Variants in GSG1L observed in about 807,000 individuals in gnomAD.
GSG1L encodes GSG1 like.
A neutral mutation model predicts 42.1 loss-of-function variants in GSG1L; 24 were observed. The ratio of observed to expected loss-of-function variants is 0.57; its 90% CI spans 0.41 to 0.80. The LOEUF (loss-of-function observed/expected upper bound fraction) is 0.80, where lower values mean the gene tolerates loss of function less well. GSG1L is among the 30% of genes least tolerant of loss of function. The probability of loss-of-function intolerance (pLI) is 0.00; values close to 1 mark genes in which losing one functional copy is unlikely to be tolerated. For synonymous variants in GSG1L, 215 were observed against 203.5 expected (o/e 1.06, Z -0.48); for missense variants, 445 against 472.2 (o/e 0.94, Z 0.53).
chr16:27,845,726 G>A (rs2083435728), intron 3 of GSG1L, among the ~76,000 whole-genome samples: 1 of 152,128 alleles, frequency 6.6e-6, no homozygotes, highest in Non-Finnish European at 1.5e-5. Context: ...TAGTGAGCTT[G>A]AGCATTTTTC....
intron 5 of GSG1L, among the ~76,000 whole-genome samples, chr16:27,812,815 G>T (rs999686158): frequency 6.6e-6 from 1 of 151,960 alleles, no homozygotes; most frequent in African/African-American, 2.4e-5. Flanking sequence ...TTGAGACAGA[G>T]TCTTACTCTC....
chr16:27,996,982 G>A (rs2085520611), intron 1 of GSG1L, among the ~76,000 whole-genome samples: 2 of 152,058 alleles, frequency 1.3e-5, no homozygotes, highest in Admixed American at 6.6e-5. Flanking sequence ...GGCTGGTCTC[G>A]AACTTCTGAC....
chr16:27,997,186 C>T (rs916083996), intron 1 of GSG1L, among the ~76,000 whole-genome samples: 1 of 152,098 alleles, frequency 6.6e-6, no homozygotes, highest in African/African-American at 2.4e-5. Flanking sequence ...GCCTCTTCTA[C>T]CTTCTCCTGG....
intron 6 of GSG1L, among the ~76,000 whole-genome samples, chr16:27,798,240 G>A (rs1245590476): frequency 6.6e-6 from 1 of 152,088 alleles, no homozygotes; most frequent in Non-Finnish European, 1.5e-5. Flanking sequence ...TTGGCTCACA[G>A]ACAAACACCA....
chr16:27,858,197 C>T lies in GSG1L; in HGVS notation c.551-13136G>A, dbSNP rs78498337. ...AGGACCTAAGAAAGCTGCCTGTGCA[C>T]TAAGAAAATGAGAGGATGAGCGGCC... On this transcript the variant is annotated intron_variant, in intron 3 of 6. Coordinates refer to ENST00000447459, the MANE Select transcript of GSG1L (RefSeq NM_001109763.2). Among the ~76,000 whole-genome samples the T allele has an allele frequency of 5.6e-4, 85 of 152,318 alleles. 1 individual carries two copies. In the East Asian group the frequency reaches 0.016, roughly 28 times the overall value.
At chr16:27,962,593 A>C (rs2141107414) in intron 2 of GSG1L, among the ~76,000 whole-genome samples, 1 of 152,238 alleles carries the variant, frequency 6.6e-6, no homozygotes, top group East Asian at 1.9e-4. Flanking sequence ...CCTAATCCTG[A>C]CTGCTATCCC....
intron 1 of GSG1L, among the ~76,000 whole-genome samples, chr16:28,006,463 C>A (rs1159820019): frequency 1.3e-5 from 2 of 152,154 alleles, no homozygotes; most frequent in Non-Finnish European, 2.9e-5. Flanking sequence ...CACACACCAC[C>A]ATGCCTGGCT....
At chr16:27,995,677 G>A (rs914138007) in intron 1 of GSG1L, among the ~76,000 whole-genome samples, 20 of 152,064 alleles carry the variant, frequency 1.3e-4, no homozygotes, top group African/African-American at 2.2e-4. Flanking sequence ...GGCCTGACAC[G>A]TGAACACAAA....
chr16:27,972,967 T>C (rs1450697020), intron 1 of GSG1L, among the ~76,000 whole-genome samples: 1 of 152,214 alleles, frequency 6.6e-6, no homozygotes, highest in African/African-American at 2.4e-5. Flanking sequence ...AATAGTTCAG[T>C]GGTCAGGGGT....
intron 1 of GSG1L, among the ~76,000 whole-genome samples, chr16:28,044,149 G>C (rs2086138755): frequency 6.6e-6 from 1 of 152,122 alleles, no homozygotes; most frequent in South Asian, 2.1e-4. Context: ...GGTCGAGGCA[G>C]GTGGACTGCC....
rs984694341 is a variant in GSG1L at position 27,790,747 on chromosome 16, C to T, written c.*623G>A. The T allele has an allele frequency of 2.0e-5, 3 of 152,794 alleles. No individual in the cohort carries two copies. The highest frequency in any genetic ancestry group is 4.4e-5 in the Non-Finnish European group (3 of 68,448). 9.5% of individuals were successfully genotyped at this position (152,794 alleles called of 1,614,324 possible). On this transcript the variant is annotated 3_prime_UTR_variant, in exon 7 of 7. Coordinates refer to ENST00000447459, the MANE Select transcript of GSG1L (RefSeq NM_001109763.2). ...GCCTGTGTCCAGCCTGGGCTCTGTG[C>T]TCCCTCCCTGCCACCCTGCAGTGTC...
At chr16:27,992,269 G>T (rs781244478) in intron 1 of GSG1L, among the ~76,000 whole-genome samples, 3 of 152,176 alleles carry the variant, frequency 2.0e-5, no homozygotes, top group Non-Finnish European at 2.9e-5. Flanking sequence ...GGCCGAAGCG[G>T]GTGGATCACC....
At chr16:27,838,691 G>A (rs1433589760) in intron 4 of GSG1L, among the ~76,000 whole-genome samples, 1 of 152,198 alleles carries the variant, frequency 6.6e-6, no homozygotes, top group African/African-American at 2.4e-5. Context: ...TTGGCTGCCT[G>A]CAGACCAGAG....
At chr16:27,916,136 C>T (rs901631374) in intron 2 of GSG1L, among the ~76,000 whole-genome samples, 1 of 152,142 alleles carries the variant, frequency 6.6e-6, no homozygotes, top group African/African-American at 2.4e-5. Context: ...AAAAGGCGTG[C>T]TTCCTGTGGC....
At chr16:28,035,815 A>G (rs2086028971) in intron 1 of GSG1L, among the ~76,000 whole-genome samples, 2 of 152,142 alleles carry the variant, frequency 1.3e-5, no homozygotes, top group Non-Finnish European at 2.9e-5. Context: ...TCCACAGCTC[A>G]TAAAGGACAA....
intron 2 of GSG1L, among the ~76,000 whole-genome samples, chr16:27,955,084 G>A (rs7199765): frequency 0.53 from 80,845 of 151,930 alleles, 21,723 homozygotes; most frequent in Middle Eastern, 0.58. Context: ...ACTGTTAAAC[G>A]TGAACATCAG....
chr16:28,047,747 G>T (rs1481136737), intron 1 of GSG1L, among the ~76,000 whole-genome samples: 1 of 152,056 alleles, frequency 6.6e-6, no homozygotes, highest in Admixed American at 6.6e-5. Flanking sequence ...CCACAATTCC[G>T]CAATGAAAAT....
chr16:27,911,256 C>CCTCTCTCTCGCTCGCTCTCTCTCT lies in GSG1L; in HGVS notation c.398-26619_398-26618insAGAGAGAGAGCGAGCGAGAGAGAG, dbSNP rs1555507772. ...CCTCCTTTCTTCTCTAGCCTCATCA[C>CCTCTCTCTCGCTCGCTCTCTCTCT]CTCTCTCTCGCTCTCTCTCTCTCTC... On this transcript the variant is annotated intron_variant, in intron 2 of 6. Coordinates refer to ENST00000447459, the MANE Select transcript of GSG1L (RefSeq NM_001109763.2). 6.6e-4 allele frequency among the ~76,000 whole-genome samples: 64 copies of CCTCTCTCTCGCTCGCTCTCTCTCT among 96,394 alleles called. 2 individuals carry two copies. Among genetic ancestry groups the CCTCTCTCTCGCTCGCTCTCTCTCT allele is most frequent in the African/African-American group, 1.6e-3 (40 of 25,798 alleles). The allele number at this position is 96,394 out of a possible 152,430, so 63.2% of individuals were successfully genotyped here. A position where few individuals can be genotyped will look rare whatever the true frequency, so the allele number is the denominator to read the frequency against.
At chr16:27,945,107 T>C (rs1213245006) in intron 2 of GSG1L, among the ~76,000 whole-genome samples, 1 of 149,722 alleles carries the variant, frequency 6.7e-6, no homozygotes, top group African/African-American at 2.5e-5. Context: ...TAGATCAGTG[T>C]TTGCCTCCGT....
Sources: allele counts gnomAD v4.1 joint callset (sites outside exome capture counted in the v4.1 genomes callset), GRCh38; gene constraint gnomAD v4.1.1; transcripts MANE v1.5; gene names NCBI Gene and HGNC (gene_info 2026-07-23, HGNC 2026-07-21).